The following CSPP1 variants were observed in gnomAD, a reference collection of about 807,000 sequenced individuals.
CSPP1 encodes centrosome and spindle pole associated protein 1.
CSPP1 carries 126 observed loss-of-function variants against 164.4 expected under a neutral mutation model. The observed-to-expected ratio is 0.77, with a 90% confidence interval of 0.66 to 0.89. The LOEUF (loss-of-function observed/expected upper bound fraction) is 0.89, where lower values mean the gene tolerates loss of function less well. Among genes scored for constraint, CSPP1 ranks in the 40% least tolerant of loss-of-function variants. The pLI, the probability that CSPP1 is intolerant of heterozygous loss-of-function variation, is 0.00. For synonymous variants in CSPP1, 472 were observed against 476.7 expected (o/e 0.99, Z 0.13); for missense variants, 1,395 against 1,449.8 (o/e 0.96, Z 0.61).
intron 21 of CSPP1, 23 bp from the exon 22 acceptor site, chr8:67,161,788 C>T: frequency 6.8e-7 from 1 of 1,461,436 alleles, no homozygotes. Flanking sequence ...CAAATATGCT[C>T]TTAAATTTTT....
chr8:67,116,008 C>T lies in CSPP1; in HGVS notation c.1382C>T (p.Pro461Leu). 3 of 1,613,942 alleles carry T rather than the reference C, an allele frequency of 1.9e-6. No homozygotes were observed. The highest frequency in any genetic ancestry group is 1.1e-5 in the South Asian group (1 of 91,076). The change falls in exon 13 of 31, where the codon CCT becomes CTT. Residue 461 changes from proline to leucine, a missense_variant. By Grantham distance (98) the Pro-to-Leu change is moderately conservative. Coordinates refer to ENST00000678616, the MANE Select transcript of CSPP1 (RefSeq NM_001382391.1). ...AGAATAGCTTTCCAGACACCTCTCCCTCCTTTATCTGCCCCATCTGTCCCA... is the reference window on the plus strand; with the variant it reads ...AGAATAGCTTTCCAGACACCTCTCCTTCCTTTATCTGCCCCATCTGTCCCA... ...RPRIAFQTPL[P>L]PLSAPSVPPI... is the part of the protein sequence containing the mutation.
intron 28 of CSPP1, among the ~76,000 whole-genome samples, chr8:67,185,295 A>G (rs182150087): frequency 6.6e-6 from 1 of 152,322 alleles, no homozygotes; most frequent in Admixed American, 6.5e-5. Context: ...CCCCAGAACT[A>G]TCTTTTCGGT....
chr8:67,176,857 G>A (rs1427403204), intron 26 of CSPP1, among the ~76,000 whole-genome samples: 1 of 152,038 alleles, frequency 6.6e-6, no homozygotes, highest in Non-Finnish European at 1.5e-5. Flanking sequence ...GGATCATGAG[G>A]TCAGGAGTTC....
rs1313557807 is a variant in CSPP1 at position 67,118,255 on chromosome 8, C to T, written c.1504C>T (p.Pro502Ser). 6.2e-7 allele frequency: 1 copy of T among 1,613,390 alleles called. No homozygotes were observed. Among genetic ancestry groups the T allele is most frequent in the Admixed American group, 1.7e-5 (1 of 59,984 alleles). The change falls in exon 14 of 31, where the codon CCT becomes TCT. Residue 502 changes from proline to serine, a missense_variant. Pro to Ser is a moderately conservative substitution (Grantham distance 74). Coordinates refer to ENST00000678616, the MANE Select transcript of CSPP1 (RefSeq NM_001382391.1). ...ATCTTTCTTTTCATACAGGATTGCA[C>T]CTCTGCCTCCACCTCCCCTACTACC... ...LGEMVSPRIA[P>S]LPPPPLLPPL...
chr8:67,093,643 T>C lies in CSPP1; in HGVS notation c.483+2T>C, dbSNP rs1161610345. On this transcript the variant is annotated splice_donor_variant, in intron 6 of 30. Coordinates refer to ENST00000678616, the MANE Select transcript of CSPP1 (RefSeq NM_001382391.1). LOFTEE classifies it high-confidence loss of function. ...AGGCAGGTGGAAAAGAGTACTGAGGTAGGTTTTGCTTTTGAATTAAATCTG... is the reference window on the plus strand; with the variant it reads ...AGGCAGGTGGAAAAGAGTACTGAGGCAGGTTTTGCTTTTGAATTAAATCTG... 6.3e-7 allele frequency: 1 copy of C among 1,577,300 alleles called. No individual in the cohort carries two copies. The highest frequency in any genetic ancestry group is 8.7e-7 in the Non-Finnish European group (1 of 1,149,394).
chr8:67,175,408 C>T lies in CSPP1; in HGVS notation c.3081C>T (p.Asn1027=). The change falls in exon 26 of 31, where the codon AAC becomes AAT. Residue 1027 remains asparagine, a synonymous_variant. Transcript: ENST00000678616. ...TAAGAGAGCAGCAGAAGAGGCTGAA[C>T]AGAATAAAAATGCAGGAAGGTGCCA... ...ALLREQQKRL[N]RIKMQEGAKV... is the part of the protein sequence containing the mutation. The T allele has an allele frequency of 6.2e-7, 1 of 1,614,162 alleles. No homozygotes were observed. The highest frequency in any genetic ancestry group is 8.5e-7 in the Non-Finnish European group (1 of 1,180,012).
At chr8:67,148,064 A>G (rs769366392) in intron 17 of CSPP1, among the ~76,000 whole-genome samples, 1 of 150,552 alleles carries the variant, frequency 6.6e-6, no homozygotes, top group Non-Finnish European at 1.5e-5. Flanking sequence ...GACTACAGGT[A>G]CATGCCATCA....
intron 7 of CSPP1, among the ~76,000 whole-genome samples, chr8:67,101,047 A>G (rs1279715902): frequency 6.6e-6 from 1 of 152,138 alleles, no homozygotes; most frequent in Non-Finnish European, 1.5e-5. Context: ...TTTGAAGGAA[A>G]CCAGGCACAA....
At position 67,190,737 on chromosome 8, in the gene CSPP1, A is replaced by C. The variant is rs1173151109; in HGVS notation, c.3308A>C (p.Asn1103Thr). The C allele has an allele frequency of 6.2e-7, 1 of 1,612,600 alleles. No individual in the cohort carries two copies. Among genetic ancestry groups the C allele is most frequent in the African/African-American group, 1.3e-5 (1 of 74,990 alleles). ...CCCTCTGCACGGGAGCGCAGGAGGAACAAATGGAAAGGACTAGACATTGTA... is the reference window on the plus strand; with the variant it reads ...CCCTCTGCACGGGAGCGCAGGAGGACCAAATGGAAAGGACTAGACATTGTA... ...QLPSARERRR[N>T]KWKGLDIDSS... Residue 1103 changes from asparagine to threonine, a missense_variant, in exon 29 of 31, where the codon AAC (asparagine) becomes ACC (threonine). Coordinates refer to ENST00000678616, the MANE Select transcript of CSPP1 (RefSeq NM_001382391.1).
At chr8:67,071,121 T>C (rs781510745) in intron 1 of CSPP1, among the ~76,000 whole-genome samples, 1 of 152,212 alleles carries the variant, frequency 6.6e-6, no homozygotes, top group Non-Finnish European at 1.5e-5. Context: ...CATTAGGTAC[T>C]GTTTACCTGT....
intron 10 of CSPP1, among the ~76,000 whole-genome samples, 182 bp downstream of exon 10, chr8:67,112,247 T>C (rs1009632433): frequency 2.6e-5 from 4 of 151,838 alleles, no homozygotes; most frequent in Non-Finnish European, 5.9e-5. Flanking sequence ...TTTTTTTTTT[T>C]TTTTTGGTCA....
At chr8:67,168,446 G>T (rs933617216) in intron 24 of CSPP1, among the ~76,000 whole-genome samples, 1 of 152,000 alleles carries the variant, frequency 6.6e-6, no homozygotes, top group Admixed American at 6.6e-5. Flanking sequence ...CTCGAGCAGC[G>T]CCTCAATTTT....
intron 30 of CSPP1, 90 bp from the exon 31 acceptor site, chr8:67,195,292 T>C (rs1171979932): frequency 3.7e-6 from 3 of 818,628 alleles, no homozygotes; most frequent in Non-Finnish European, 6.5e-6. Context: ...AAATGCTGAG[T>C]TGTAATGAGT....
At chr8:67,126,210 A>T (rs946371140) in intron 15 of CSPP1, among the ~76,000 whole-genome samples, 3 of 152,258 alleles carry the variant, frequency 2.0e-5, no homozygotes, top group Admixed American at 6.5e-5. Flanking sequence ...TGTTGATTAA[A>T]TACAAGGCAT....
chr8:67,069,467 G>C (rs1806258884), intron 1 of CSPP1, among the ~76,000 whole-genome samples: 1 of 152,020 alleles, frequency 6.6e-6, no homozygotes. Context: ...AATAATTACA[G>C]TAAAGAGAAA....
intron 8 of CSPP1, among the ~76,000 whole-genome samples, chr8:67,104,644 T>G (rs928100594): frequency 6.6e-6 from 1 of 151,864 alleles, no homozygotes; most frequent in Non-Finnish European, 1.5e-5. Context: ...CTTTTTCTTT[T>G]TCTTCTTTTT....
intron 24 of CSPP1, among the ~76,000 whole-genome samples, chr8:67,169,684 C>G (rs1830112978): frequency 6.6e-6 from 1 of 152,088 alleles, no homozygotes; most frequent in Non-Finnish European, 1.5e-5. Context: ...AGGTGATCCA[C>G]CCGCCTCGGC....
chr8:67,192,810 A>G (rs143182461), intron 29 of CSPP1, among the ~76,000 whole-genome samples: 117 of 151,460 alleles, frequency 7.7e-4, no homozygotes, highest in Middle Eastern at 3.4e-3. Flanking sequence ...AAACGTAAGG[A>G]TTTATTTCTA....
intron 6 of CSPP1, among the ~76,000 whole-genome samples, chr8:67,094,624 G>C (rs1291431399): frequency 2.0e-5 from 3 of 152,108 alleles, no homozygotes; most frequent in African/African-American, 7.2e-5. Flanking sequence ...ATATATGGGT[G>C]ATTAATGTTG....
Sources: gnomAD v4.1 joint callset for allele counts (sites outside exome capture counted in the v4.1 genomes callset) on GRCh38, gnomAD v4.1.1 for gene constraint, MANE v1.5 for transcripts, NCBI Gene and HGNC (gene_info 2026-07-23, HGNC 2026-07-21) for gene names.